The following MCM3 variants were observed in gnomAD, a reference collection of about 807,000 sequenced individuals.
MCM3 encodes minichromosome maintenance complex component 3.
A neutral mutation model predicts 91.3 loss-of-function variants in MCM3; 59 were observed. The ratio of observed to expected loss-of-function variants is 0.65; its 90% CI spans 0.52 to 0.80. MCM3 has a LOEUF of 0.80. Ranked by LOEUF, MCM3 falls within the 30% of genes least tolerant of loss-of-function variation. The probability of loss-of-function intolerance (pLI) is 0.00; values close to 1 mark genes in which losing one functional copy is unlikely to be tolerated. For missense variants in MCM3, 919 were observed against 1,035.4 expected (o/e 0.89, Z 1.54); for synonymous variants, 383 against 379.6 (o/e 1.01, Z -0.10).
chr6:52,274,559 G>A (rs755142545), intron 9 of MCM3, among the ~76,000 whole-genome samples: 3 of 151,946 alleles, frequency 2.0e-5, no homozygotes, highest in South Asian at 2.1e-4. Context: ...ATGGTGGTAC[G>A]CATCTGTAGT....
chr6:52,272,125 G>A (rs913950558), intron 12 of MCM3, among the ~76,000 whole-genome samples, 176 bp downstream of exon 12: 12 of 152,158 alleles, frequency 7.9e-5, no homozygotes, highest in African/African-American at 2.7e-4. Flanking sequence ...TATCTCTGGG[G>A]TCCTTATTTC....
chr6:52,268,379 AAG>A (rs1764813816), intron 13 of MCM3, among the ~76,000 whole-genome samples: 1 of 152,214 alleles, frequency 6.6e-6, no homozygotes, highest in African/African-American at 2.4e-5. Flanking sequence ...AAAAGCGAGG[AAG>A]AGTTTATCAG....
At chr6:52,266,289 C>T in intron 15 of MCM3, 145 bp from the exon 16 acceptor site, 1 of 680,792 alleles carries the variant, frequency 1.5e-6, no homozygotes, top group Non-Finnish European at 2.6e-6. Context: ...TGGGGCCAGG[C>T]AGAACAATTA....
chr6:52,264,402 C>A lies in MCM3; in HGVS notation c.*186G>T, dbSNP rs1764473399. ...TGTCTCCTCTTTCCTCACCCCATGG[C>A]AGCTTTCATGACCCATTCCCAAAGG... On this transcript the variant is annotated 3_prime_UTR_variant, in exon 17 of 17. Coordinates refer to ENST00000596288, the MANE Select transcript of MCM3 (RefSeq NM_002388.6). The A allele has an allele frequency of 5.0e-6, 3 of 601,096 alleles. No homozygotes were observed. Among genetic ancestry groups the A allele is most frequent in the Non-Finnish European group, 5.9e-6 (2 of 341,376 alleles). The allele number at this position is 601,096 out of a possible 1,614,324, so 37.2% of individuals were successfully genotyped here. A position where few individuals can be genotyped will look rare whatever the true frequency, so the allele number is the denominator to read the frequency against.
intron 4 of MCM3, 37 bp from the exon 5 acceptor site, chr6:52,279,636 G>T (rs370927338): frequency 6.8e-7 from 1 of 1,476,440 alleles, no homozygotes; most frequent in Non-Finnish European, 9.3e-7. Flanking sequence ...AGTGATCTCC[G>T]TCCTGTCTTA....
At chr6:52,283,854 G>A (rs1182931391) in intron 1 of MCM3, among the ~76,000 whole-genome samples, 1 of 152,194 alleles carries the variant, frequency 6.6e-6, no homozygotes, top group Non-Finnish European at 1.5e-5. Context: ...CAAAACATGT[G>A]CACTTCAAAT....
chr6:52,279,609 G>A lies in MCM3; in HGVS notation c.532-10C>T. 3.1e-6 allele frequency: 5 copies of A among 1,593,672 alleles called. No individual in the cohort carries two copies. The highest frequency in any genetic ancestry group is 4.3e-6 in the Non-Finnish European group (5 of 1,163,096). On this transcript the variant is annotated splice_polypyrimidine_tract_variant and intron_variant, in intron 4 of 16. Coordinates refer to ENST00000596288, the MANE Select transcript of MCM3 (RefSeq NM_002388.6). ...GATTGTTCTCCTCATCCTAGAAAAA[G>A]GCACACAGAGGGACAGAGTGATCTC...
Position 52,273,256 on chromosome 6 carries a change from G to A in MCM3, c.1650C>T (p.Asn550=). The change falls in exon 11 of 17, where the codon AAC becomes AAT. Residue 550 remains asparagine, a synonymous_variant. Coordinates refer to ENST00000596288, the MANE Select transcript of MCM3 (RefSeq NM_002388.6). The part of the protein sequence containing the change: ...QDTQIYEKHD[N]LLHGTKKKKE... ...TTTTCTTCTTGGTCCCATGTAGAAG[G>A]TTGTCATGCTTCTCATAAATCTGGG... 2 of 1,614,184 alleles carry A rather than the reference G, an allele frequency of 1.2e-6. No individual in the cohort carries two copies. The highest frequency in any genetic ancestry group is 1.7e-6 in the Non-Finnish European group (2 of 1,180,026).
chr6:52,277,336 C>T (rs919805498), intron 7 of MCM3, 138 bp from the exon 8 acceptor site: 35 of 1,009,194 alleles, frequency 3.5e-5, no homozygotes, highest in Non-Finnish European at 4.6e-5. Flanking sequence ...CTTTTCCCTT[C>T]ACCACTCACG....
At chr6:52,268,025 A>T (rs3827794) in intron 13 of MCM3, 57 bp from the exon 14 acceptor site, 53,861 of 1,612,720 alleles carry the variant, frequency 0.033, 2,971 homozygotes, top group East Asian at 0.27. Context: ...GGGGAACTGC[A>T]TCAAGAACTC....
At chr6:52,268,657 C>A (rs1764836450) in intron 13 of MCM3, among the ~76,000 whole-genome samples, 1 of 152,122 alleles carries the variant, frequency 6.6e-6, no homozygotes, top group East Asian at 1.9e-4. Context: ...GAGAGTTCAA[C>A]TTTAAACATG....
rs779258364 is a variant in MCM3 at position 52,282,820 on chromosome 6, C to T, written c.233G>A (p.Arg78Gln). Reference protein sequence around the residue: ...NAFEELVAFQRALKDFVASID... With the variant: ...NAFEELVAFQQALKDFVASID... ...GGAGGCCACAAAATCCTTTAAGGCC[C>T]GCTGGAAGGCAACCAGCTCCTCAAA... Residue 78 changes from arginine to glutamine, a missense_variant, in exon 3 of 17, where the codon CGG becomes CAG. Physicochemically the swap from Arg to Gln is conservative, Grantham distance 43 (BLOSUM62 1). Coordinates refer to ENST00000596288, the MANE Select transcript of MCM3 (RefSeq NM_002388.6). 133 of 1,613,800 alleles carry T rather than the reference C, an allele frequency of 8.2e-5. No homozygotes were observed. The highest frequency in any genetic ancestry group is 1.1e-4 in the Non-Finnish European group (129 of 1,180,018).
At chr6:52,283,009 A>G (rs1413012464) in intron 2 of MCM3, 148 bp from the exon 3 acceptor site, 4 of 644,122 alleles carry the variant, frequency 6.2e-6, no homozygotes, top group East Asian at 2.7e-5. Flanking sequence ...ACACCATCCT[A>G]TAAGACTCAG....
chr6:52,266,474 A>T, intron 15 of MCM3, 137 bp downstream of exon 15: 1 of 783,658 alleles, frequency 1.3e-6, no homozygotes. Context: ...CTCTCTTGGG[A>T]CAAACCTCTT....
At position 52,281,998 on chromosome 6, in the gene MCM3, C is replaced by T. The variant is rs368367490; in HGVS notation, c.531+47G>A. 1.9e-6 allele frequency: 3 copies of T among 1,599,920 alleles called. No homozygotes were observed. In the South Asian group the frequency reaches 3.4e-5, roughly 18 times the overall value. The stretch of plus-strand genomic sequence containing the variant: ...CAATTCCTTGCCTTAAAACAGGTAT[C>T]TTTGATTCCAACCTCCAAGACAGCT... On this transcript the variant is annotated intron_variant, in intron 4 of 16. Transcript: ENST00000596288.
At chr6:52,278,070 C>CAAAAAA (rs61625257) in intron 6 of MCM3, among the ~76,000 whole-genome samples, 19 of 38,970 alleles carry the variant, frequency 4.9e-4, no homozygotes, top group East Asian at 1.8e-3. Context: ...TCCGTCTCAC[C>CAAAAAA]AAAAAAAAAA....
Position 52,282,137 on chromosome 6 carries a change from A to G in MCM3, c.439T>C (p.Tyr147His). 1.2e-6 allele frequency: 2 copies of G among 1,614,094 alleles called. No individual in the cohort carries two copies. The highest frequency in any genetic ancestry group is 2.2e-5 in the South Asian group (2 of 91,086). ...ATGGTCTTCTTAGTAGCAGGACAGT[A>G]GTGGACACTGCGGACGACTTTGGGA... ...VRPKVVRSVH[Y>H]CPATKKTIER... Residue 147 changes from tyrosine to histidine, a missense_variant, in exon 4 of 17, where the codon TAC becomes CAC. Coordinates refer to ENST00000596288, the MANE Select transcript of MCM3 (RefSeq NM_002388.6).
At chr6:52,282,605 A>G in intron 3 of MCM3, 48 bp downstream of exon 3, 2 of 1,574,258 alleles carry the variant, frequency 1.3e-6, no homozygotes, top group South Asian at 1.1e-5. Flanking sequence ...TGCTTTCCCC[A>G]TCTCCCTGTC....
chr6:52,273,137 G>A (rs1765269229), intron 11 of MCM3, 93 bp downstream of exon 11: 8 of 1,466,294 alleles, frequency 5.5e-6, no homozygotes, highest in Non-Finnish European at 7.6e-6. Context: ...TTTGACCTGG[G>A]CATATAAGGC....
Sources: gnomAD v4.1 joint callset for allele counts (sites outside exome capture counted in the v4.1 genomes callset) on GRCh38, gnomAD v4.1.1 for gene constraint, MANE v1.5 for transcripts, NCBI Gene and HGNC (gene_info 2026-07-23, HGNC 2026-07-21) for gene names.